The following PP2D1 variants were observed in gnomAD, a reference collection of about 807,000 sequenced individuals.
PP2D1 encodes protein phosphatase 2C like domain containing 1, also known as protein phosphatase 2C-like domain-containing protein 1.
A neutral mutation model predicts 30.2 loss-of-function variants in PP2D1; 25 were observed. That is an observed-to-expected ratio of 0.83 (90% CI 0.60 to 1.16). PP2D1 has a LOEUF of 1.16. Among genes scored for constraint, PP2D1 ranks in the 50% most tolerant of loss-of-function variants. PP2D1 has a pLI of 0.00. For missense variants in PP2D1, 760 were observed against 742.4 expected (o/e 1.02, Z -0.28); for synonymous variants, 260 against 258.9 (o/e 1.00, Z -0.04).
chr3:19,990,514 G>A (rs1446138415), intron 2 of PP2D1, among the ~76,000 whole-genome samples: 2 of 144,502 alleles, frequency 1.4e-5, no homozygotes, highest in East Asian at 4.0e-4. Flanking sequence ...AGTAGCCAGC[G>A]TTTCTTAACT....
chr3:19,983,042 G>A (rs2125134599), downstream of PP2D1, among the ~76,000 whole-genome samples: 1 of 152,180 alleles, frequency 6.6e-6, no homozygotes, highest in East Asian at 1.9e-4. Flanking sequence ...TTATTTAATA[G>A]AAGTAATAAT....
chr3:19,988,818 T>C (rs1012842283), intron 2 of PP2D1, among the ~76,000 whole-genome samples: 5 of 152,144 alleles, frequency 3.3e-5, no homozygotes, highest in Admixed American at 2.6e-4. Context: ...ACATGAAATA[T>C]TGGGGGTGGT....
chr3:19,992,329 G>A (rs937965183), intron 2 of PP2D1, among the ~76,000 whole-genome samples: 1 of 152,120 alleles, frequency 6.6e-6, no homozygotes, highest in Non-Finnish European at 1.5e-5. Flanking sequence ...TTGTAAGCAT[G>A]TGAGAGTTCC....
chr3:19,994,340 A>G (rs1697152281), intron 2 of PP2D1, among the ~76,000 whole-genome samples: 1 of 152,202 alleles, frequency 6.6e-6, no homozygotes, highest in South Asian at 2.1e-4. Flanking sequence ...GGATAATCAC[A>G]TGTTTAATAC....
intron 1 of PP2D1, among the ~76,000 whole-genome samples, chr3:20,003,604 C>T (rs1297545199): frequency 2.0e-5 from 3 of 151,708 alleles, no homozygotes; most frequent in South Asian, 2.1e-4. Context: ...ATTAGCTGAG[C>T]GTGGTGGCTT....
intron 3 of PP2D1, among the ~76,000 whole-genome samples, chr3:19,980,345 T>G (rs1696900155): frequency 6.6e-6 from 1 of 152,206 alleles, no homozygotes; most frequent in African/African-American, 2.4e-5. Flanking sequence ...ATATTTTAGT[T>G]TTTTGTTTTT....
At chr3:20,005,624 T>C (rs1381546649) in intron 1 of PP2D1, among the ~76,000 whole-genome samples, 1 of 152,196 alleles carries the variant, frequency 6.6e-6, no homozygotes, top group Non-Finnish European at 1.5e-5. Flanking sequence ...AGACACATAA[T>C]AGATATTCAA....
At chr3:19,990,399 C>T (rs1159800666) in intron 2 of PP2D1, among the ~76,000 whole-genome samples, 1 of 152,186 alleles carries the variant, frequency 6.6e-6, no homozygotes, top group African/African-American at 2.4e-5. Flanking sequence ...TCCCAAAATG[C>T]TTGGTTTCCC....
intron 1 of PP2D1, among the ~76,000 whole-genome samples, chr3:20,008,796 C>T (rs1697353542): frequency 1.3e-5 from 2 of 152,104 alleles, no homozygotes; most frequent in South Asian, 4.1e-4. Context: ...TCAATCAAGT[C>T]ATTTAATCTC....
intron 1 of PP2D1, 54 bp from the exon 2 acceptor site, chr3:20,002,150 T>C (rs1697265063): frequency 3.5e-6 from 4 of 1,158,506 alleles, no homozygotes; most frequent in Middle Eastern, 2.0e-4. Context: ...CGAAAATCTC[T>C]TCAAGCAGGC....
chr3:20,005,446 C>G (rs975810039), intron 1 of PP2D1, among the ~76,000 whole-genome samples: 2 of 152,102 alleles, frequency 1.3e-5, no homozygotes, highest in East Asian at 1.9e-4. Flanking sequence ...GCCACTGTGC[C>G]CAGCCATAAA....
Position 19,985,465 on chromosome 3 carries a change from T to C in PP2D1, c.1808A>G (p.Asn603Ser), listed in dbSNP as rs1265709145. 1 of 1,536,088 alleles carries C rather than the reference T, an allele frequency of 6.5e-7. No homozygotes were observed. The highest frequency in any genetic ancestry group is 1.2e-5 in the South Asian group (1 of 84,054). ...TCTGGAGCCAGCCAGTAAAGCAGCATTTACAAGTTCATGGCTAACATACTC... is the reference window on the plus strand; with the variant it reads ...TCTGGAGCCAGCCAGTAAAGCAGCACTTACAAGTTCATGGCTAACATACTC... ...AAEYVSHELV[N>S]AALLAGSRDN... The change falls in exon 3 of 3, where the codon AAT becomes AGT. Residue 603 changes from asparagine to serine, a missense_variant. Asn to Ser is a conservative substitution (Grantham distance 46). This residue lies in a region of PP2D1 where 369 missense variants were observed against 316.2 expected (regional missense o/e 1.17). Transcript: ENST00000389050.
intron 1 of PP2D1, among the ~76,000 whole-genome samples, chr3:20,005,782 A>G (rs1240923586): frequency 6.6e-6 from 1 of 152,192 alleles, no homozygotes; most frequent in Non-Finnish European, 1.5e-5. Flanking sequence ...TCAATGCAGA[A>G]GGATACAAAG....
At chr3:20,003,823 C>T (rs912115911) in intron 1 of PP2D1, among the ~76,000 whole-genome samples, 3 of 151,198 alleles carry the variant, frequency 2.0e-5, no homozygotes, top group Non-Finnish European at 4.4e-5. Context: ...AGAAAAAAGC[C>T]CCTAGAATAA....
At chr3:19,984,039 G>T (rs1198667298), downstream of PP2D1, 7 of 493,984 alleles carry the variant, frequency 1.4e-5, no homozygotes, top group Admixed American at 1.5e-4. Context: ...GGAAAAATGA[G>T]AACTATGTGG....
At chr3:19,993,296 C>T (rs888673827) in intron 2 of PP2D1, among the ~76,000 whole-genome samples, 2 of 152,134 alleles carry the variant, frequency 1.3e-5, no homozygotes, top group African/African-American at 4.8e-5. Context: ...CTTAGATTGA[C>T]CCTTCCACTG....
At chr3:20,007,006 T>C (rs199561620) in intron 1 of PP2D1, among the ~76,000 whole-genome samples, 1 of 76,694 alleles carries the variant, frequency 1.3e-5, no homozygotes, top group African/African-American at 4.3e-5. Context: ...CACACACACG[T>C]ATACACACAC....
chr3:19,980,131 T>C (rs566703513), exon 4 of PP2D1: 46 of 152,340 alleles, frequency 3.0e-4, no homozygotes, highest in African/African-American at 1.1e-3. Context: ...TGTGTGATAA[T>C]ATACTCATTT....
intron 2 of PP2D1, among the ~76,000 whole-genome samples, chr3:19,998,674 T>C (rs1479467270): frequency 6.6e-6 from 1 of 152,228 alleles, no homozygotes; most frequent in Non-Finnish European, 1.5e-5. Context: ...CTGTATTCAA[T>C]GGCTTCATCA....
Sources: gnomAD v4.1 joint callset for allele counts (sites outside exome capture counted in the v4.1 genomes callset) on GRCh38, gnomAD v4.1.1 for gene constraint, gnomAD v4.1.1 regional missense constraint, MANE v1.5 for transcripts, NCBI Gene and HGNC (gene_info 2026-07-23, HGNC 2026-07-21) for gene names.